GLT1D1: variants seen among roughly 807,000 people sequenced by gnomAD.
The protein encoded by GLT1D1 is glycosyltransferase 1 domain containing 1.
A neutral mutation model predicts 28.7 loss-of-function variants in GLT1D1; 21 were observed. The ratio of observed to expected loss-of-function variants is 0.73; its 90% CI spans 0.52 to 1.05. GLT1D1 has a LOEUF of 1.05. Ranked by LOEUF, GLT1D1 falls within the 50% of genes least tolerant of loss-of-function variation. The pLI, the probability that GLT1D1 is intolerant of heterozygous loss-of-function variation, is 0.00. For missense variants in GLT1D1, 343 were observed against 330.6 expected, an observed-to-expected ratio of 1.04 and a Z score of -0.29; for synonymous variants, 147 against 124.8, an observed-to-expected ratio of 1.18 and a Z score of -1.19.
intron 4 of GLT1D1, chr12:128,906,918 G>A: frequency 1.4e-6 from 1 of 702,540 alleles, no homozygotes; most frequent in Non-Finnish European, 2.6e-6. Context: ...AAGCAAGACA[G>A]ATCTCATTGG....
At chr12:128,958,331 G>A (rs1256232809) in intron 7 of GLT1D1, among the ~76,000 whole-genome samples, 1 of 152,188 alleles carries the variant, frequency 6.6e-6, no homozygotes. Context: ...GGAGCTCATA[G>A]TAATACTTGC....
intron 4 of GLT1D1, among the ~76,000 whole-genome samples, chr12:128,901,358 G>A (rs1292163478): frequency 6.6e-6 from 1 of 151,814 alleles, no homozygotes; most frequent in Non-Finnish European, 1.5e-5. Flanking sequence ...GACCTCAAGT[G>A]ATCTGCCCTC....
chr12:128,950,360 T>C (rs1403424726), intron 6 of GLT1D1, among the ~76,000 whole-genome samples: 1 of 152,228 alleles, frequency 6.6e-6, no homozygotes, highest in Non-Finnish European at 1.5e-5. Context: ...CCAAATGCCA[T>C]TGGCACCCTC....
At chr12:128,894,026 C>T (rs142104075) in intron 3 of GLT1D1, among the ~76,000 whole-genome samples, 21 of 152,286 alleles carry the variant, frequency 1.4e-4, no homozygotes, top group African/African-American at 4.6e-4. Flanking sequence ...AGGATAAAGT[C>T]TATTCCCCCA....
rs1880641553 is a variant in GLT1D1, at chr12:128,984,917, GA to G, written c.*1829del. ...TGCACATGCCTCACGCACTATGTGG[GA>G]AGGGCGTGTTTTTAAATTAATAAAG... On this transcript the variant is annotated 3_prime_UTR_variant, in exon 8 of 8. Coordinates refer to ENST00000281703, the MANE Select transcript of GLT1D1 (RefSeq NM_144669.3). 2 of 152,220 alleles carry G rather than the reference GA, an allele frequency of 1.3e-5. No individual in the cohort carries two copies. The highest frequency in any genetic ancestry group is 6.5e-5 in the Admixed American group (1 of 15,284). 9.4% of individuals were successfully genotyped at this position (152,220 alleles called of 1,614,324 possible).
intron 7 of GLT1D1, 130 bp downstream of exon 11, chr12:128,957,773 G>A: frequency 4.8e-6 from 3 of 623,448 alleles, no homozygotes; most frequent in South Asian, 1.7e-5. Flanking sequence ...AGAGCATGCT[G>A]TCTTCTGTTA....
At chr12:128,929,787 C>T (rs568885477) in intron 4 of GLT1D1, among the ~76,000 whole-genome samples, 25 of 152,202 alleles carry the variant, frequency 1.6e-4, no homozygotes, top group African/African-American at 5.5e-4. Context: ...AAGGTGAAAC[C>T]CCGTCTCTAC....
chr12:128,958,017 T>C (rs1877475428), intron 7 of GLT1D1, among the ~76,000 whole-genome samples: 1 of 152,258 alleles, frequency 6.6e-6, no homozygotes. Flanking sequence ...TTTCATTCCT[T>C]GAAACAAACG....
rs886438446 is a variant in GLT1D1, at chr12:128,904,221, A to G, written c.375+4934A>G. Among the ~76,000 whole-genome samples the G allele has an allele frequency of 3.3e-5, 5 of 151,848 alleles. No homozygotes were observed. The East Asian group carries it at 9.6e-4, about 29-fold the overall frequency. On this transcript the variant is annotated intron_variant, in intron 4 of 7. Transcript: ENST00000281703. The stretch of plus-strand genomic sequence containing the variant: ...TCGAGAATAATTTCAAAAATTACCA[A>G]TATCATGCCATTTCACCTATAATTA...
rs531769984 is a variant in GLT1D1 at position 128,862,807 on chromosome 12, G to T, written c.68+9158G>T. 9.2e-5 allele frequency among the ~76,000 whole-genome samples: 14 copies of T among 152,314 alleles called. No individual in the cohort carries two copies. In the South Asian group the frequency reaches 2.7e-3, roughly 29 times the overall value. The stretch of plus-strand genomic sequence containing the variant: ...ACAGACAGCTTGCGCACATCAGCTC[G>T]ATGCTAAGCATTGTCACTTGGAAGA... On this transcript the variant is annotated intron_variant, in intron 1 of 7. Transcript: ENST00000281703.
chr12:128,906,961 T>G, intron 4 of GLT1D1: 1 of 702,576 alleles, frequency 1.4e-6, no homozygotes, highest in South Asian at 1.5e-5. Context: ...ACAGGTGAGC[T>G]CCACAAGTCA....
chr12:128,878,681 C>T (rs1956930602), intron 2 of GLT1D1, among the ~76,000 whole-genome samples: 1 of 151,848 alleles, frequency 6.6e-6, no homozygotes, highest in Non-Finnish European at 1.5e-5. Context: ...AATCTTGGCT[C>T]ACTGCAACCT....
At chr12:128,888,823 C>A in intron 3 of GLT1D1, 79 bp downstream of exon 3, 1 of 910,076 alleles carries the variant, frequency 1.1e-6, no homozygotes, top group South Asian at 1.6e-5. Flanking sequence ...AGACCGAGGG[C>A]ACCAATTGCC....
chr12:128,977,019 G>A (rs1190671468), intron 7 of GLT1D1, among the ~76,000 whole-genome samples: 1 of 152,178 alleles, frequency 6.6e-6, no homozygotes, highest in African/African-American at 2.4e-5. Flanking sequence ...GGTGGCACAA[G>A]CCTGTAATCC....
At chr12:128,974,431 G>T (rs56333336) in intron 7 of GLT1D1, among the ~76,000 whole-genome samples, 1 of 151,802 alleles carries the variant, frequency 6.6e-6, no homozygotes, top group Non-Finnish European at 1.5e-5. Flanking sequence ...GTTCTCCGAC[G>T]GTCAGTGACC....
Position 128,911,209 on chromosome 12 carries a change from G to C in GLT1D1, c.375+11922G>C, listed in dbSNP as rs372621439. 3.3e-5 allele frequency among the ~76,000 whole-genome samples: 5 copies of C among 152,168 alleles called. No individual in the cohort carries two copies. In the East Asian group the frequency reaches 5.8e-4, roughly 18 times the overall value. ...CCTCCCAAAGTGCTGGGATCATATG[G>C]GTGAGCCACCATGCCTGGCCGTGCC... On this transcript the variant is annotated intron_variant, in intron 4 of 7. Transcript: ENST00000281703.
chr12:128,906,574 T>TA (rs1870890561), intron 4 of GLT1D1, among the ~76,000 whole-genome samples: 1 of 152,176 alleles, frequency 6.6e-6, no homozygotes, highest in South Asian at 2.1e-4. Flanking sequence ...GAGCTATATT[T>TA]AAAAAATCCT....
intron 4 of GLT1D1, among the ~76,000 whole-genome samples, chr12:128,941,905 C>CTCTTTTTTTTTTTTTTTTTT (rs1875313792): frequency 1.3e-5 from 1 of 75,366 alleles, no homozygotes; most frequent in African/African-American, 5.5e-5. Context: ...CTCTCTCTCT[C>CTCTTTTTTTTTTTTTTTTTT]TTTTTTTTTT....
intron 2 of GLT1D1, among the ~76,000 whole-genome samples, chr12:128,879,435 T>TTTCC (rs1566096662): frequency 3.3e-5 from 4 of 120,288 alleles, no homozygotes; most frequent in Non-Finnish European, 5.2e-5. Flanking sequence ...TCTTTCTTTC[T>TTTCC]TTCTTTCTTT....
Sources: gnomAD v4.1 joint callset for allele counts (sites outside exome capture counted in the v4.1 genomes callset) on GRCh38, gnomAD v4.1.1 for gene constraint, MANE v1.5 for transcripts, NCBI Gene and HGNC (gene_info 2026-07-23, HGNC 2026-07-21) for gene names.